CSNK1G3: variants seen among roughly 807,000 people sequenced by gnomAD.
CSNK1G3 encodes casein kinase 1 gamma 3.
In CSNK1G3, 23 loss-of-function variants were observed where a neutral mutation model predicts 64.3. The ratio of observed to expected loss-of-function variants is 0.36; its 90% CI spans 0.26 to 0.51. CSNK1G3 has a LOEUF of 0.51. Ranked by LOEUF, CSNK1G3 falls within the 20% of genes least tolerant of loss-of-function variation. The probability of loss-of-function intolerance (pLI) is 0.96; values close to 1 mark genes in which losing one functional copy is unlikely to be tolerated. For synonymous variants in CSNK1G3, 158 were observed against 162.2 expected (o/e 0.97, Z 0.20); for missense variants, 357 against 510.5 (o/e 0.70, Z 2.90).
chr5:123,575,749 C>T (rs779408598), exon 6 of CSNK1G3: 24 of 1,612,018 alleles, frequency 1.5e-5, no homozygotes, highest in Non-Finnish European at 2.0e-5. Flanking sequence ...TGGAATATGT[C>T]CATTCAAAGA....
intron 12 of CSNK1G3, among the ~76,000 whole-genome samples, chr5:123,609,235 T>A (rs1488173698): frequency 1.3e-5 from 2 of 152,168 alleles, no homozygotes; most frequent in Non-Finnish European, 2.9e-5. Flanking sequence ...TGACATGTGG[T>A]TTTAAGCCAA....
chr5:123,539,729 T>C (rs1437631565), intron 1 of CSNK1G3, among the ~76,000 whole-genome samples: 2 of 152,202 alleles, frequency 1.3e-5, no homozygotes, highest in Non-Finnish European at 1.5e-5. Context: ...CTGAAAGAGC[T>C]TTAGAACAGT....
At chr5:123,533,048 G>C (rs2150113948) in intron 1 of CSNK1G3, among the ~76,000 whole-genome samples, 1 of 151,906 alleles carries the variant, frequency 6.6e-6, no homozygotes, top group South Asian at 2.1e-4. Context: ...CATACTCCCA[G>C]TTTCCCTTCT....
intron 1 of CSNK1G3, among the ~76,000 whole-genome samples, chr5:123,524,408 C>T (rs1040258045): frequency 2.4e-4 from 36 of 152,174 alleles, no homozygotes; most frequent in African/African-American, 7.0e-4. Flanking sequence ...CATGCCAAAG[C>T]GCCTACAGGC....
intron 1 of CSNK1G3, among the ~76,000 whole-genome samples, chr5:123,541,089 G>C: frequency 1.3e-5 from 2 of 152,102 alleles, no homozygotes; most frequent in African/African-American, 4.8e-5. Flanking sequence ...GTAGTTGATG[G>C]TATTATCTAG....
intron 3 of CSNK1G3, among the ~76,000 whole-genome samples, chr5:123,554,805 A>G (rs906095111): frequency 6.6e-6 from 1 of 152,200 alleles, no homozygotes; most frequent in Non-Finnish European, 1.5e-5. Context: ...AGCTCTACTC[A>G]TGGGAGCATG....
intron 1 of CSNK1G3, among the ~76,000 whole-genome samples, chr5:123,524,063 A>G (rs1040577356): frequency 6.6e-6 from 1 of 152,220 alleles, no homozygotes; most frequent in South Asian, 2.1e-4. Context: ...ACCCCTTAAT[A>G]GAAACTATTC....
At chr5:123,551,770 G>A (rs1171617408) in intron 2 of CSNK1G3, among the ~76,000 whole-genome samples, 1 of 151,418 alleles carries the variant, frequency 6.6e-6, no homozygotes, top group Admixed American at 6.6e-5. Context: ...ATGTGACCAG[G>A]GCCAGTTACT....
intron 4 of CSNK1G3, among the ~76,000 whole-genome samples, chr5:123,559,076 T>C (rs1785170107): frequency 6.6e-6 from 1 of 152,204 alleles, no homozygotes; most frequent in Admixed American, 6.6e-5. Flanking sequence ...TCAGCAAAAG[T>C]TGTAGGACTA....
intron 5 of CSNK1G3, among the ~76,000 whole-genome samples, chr5:123,574,984 C>G (rs116382680): frequency 2.2e-3 from 330 of 152,184 alleles, no homozygotes; most frequent in African/African-American, 7.5e-3. Context: ...ACTAGAATGG[C>G]CTGTGTAGCC....
At chr5:123,575,174 A>G (rs111894490) in intron 5 of CSNK1G3, among the ~76,000 whole-genome samples, 1,806 of 152,304 alleles carry the variant, frequency 0.012, 42 homozygotes, top group African/African-American at 0.041. Context: ...TTCTAGCTTT[A>G]TGATCTTTCT....
chr5:123,604,639 C>T, intron 10 of CSNK1G3, 85 bp from the exon 12 acceptor site: 10 of 617,552 alleles, frequency 1.6e-5, no homozygotes, highest in Admixed American at 3.2e-5. Context: ...TATGTTTATC[C>T]TTGTATAACC....
intron 10 of CSNK1G3, among the ~76,000 whole-genome samples, chr5:123,597,002 T>C (rs2151054921): frequency 6.7e-6 from 1 of 149,388 alleles, no homozygotes; most frequent in African/African-American, 2.5e-5. Context: ...ACTAATGAAA[T>C]TATAAATTAA....
intron 1 of CSNK1G3, among the ~76,000 whole-genome samples, chr5:123,522,467 C>T (rs1216655172): frequency 6.7e-6 from 1 of 149,404 alleles, no homozygotes; most frequent in Non-Finnish European, 1.5e-5. Flanking sequence ...GACACCATTG[C>T]ACTCCAGCCT....
At chr5:123,596,025 A>C (rs1034369194) in intron 10 of CSNK1G3, among the ~76,000 whole-genome samples, 1 of 151,776 alleles carries the variant, frequency 6.6e-6, no homozygotes, top group South Asian at 2.1e-4. Flanking sequence ...CATTTTATCA[A>C]ATTTGCATTT....
At position 123,573,501 on chromosome 5, in the gene CSNK1G3, C is replaced by T. The variant is rs955032767; in HGVS notation, c.398C>T (p.Thr133Ile). 4 of 1,613,604 alleles carry T rather than the reference C, an allele frequency of 2.5e-6. No homozygotes were observed. The highest frequency in any genetic ancestry group is 3.4e-6 in the Non-Finnish European group (4 of 1,179,820). ...GACTTGTTTGACTTGTGTGACAGAACATTTTCTCTTAAAACAGTTCTCATG... is the reference window on the plus strand; with the variant it reads ...GACTTGTTTGACTTGTGTGACAGAATATTTTCTCTTAAAACAGTTCTCATG... Residue 133 changes from threonine (T) to isoleucine (I), a missense_variant, in exon 5 of 13, where the codon ACA becomes ATA. Around this residue, in one of 3 missense-constraint regions of CSNK1G3, gnomAD observed 128 missense variants for 250.4 expected, o/e 0.51. Coordinates refer to ENST00000345990, the Ensembl canonical transcript of CSNK1G3.
intron 10 of CSNK1G3, chr5:123,595,050 C>T: frequency 1.2e-6 from 2 of 1,613,622 alleles, no homozygotes; most frequent in Non-Finnish European, 1.7e-6. Flanking sequence ...CGGCAGACCA[C>T]AGGGCAGCTT....
chr5:123,573,865 T>TG (rs1043054414), intron 5 of CSNK1G3, among the ~76,000 whole-genome samples: 1 of 151,848 alleles, frequency 6.6e-6, no homozygotes, highest in African/African-American at 2.4e-5. Context: ...TTTTTTTTTT[T>TG]TTGAGACGGA....
At chr5:123,525,404 G>C (rs1183436136) in intron 1 of CSNK1G3, among the ~76,000 whole-genome samples, 1 of 150,958 alleles carries the variant, frequency 6.6e-6, no homozygotes, top group Non-Finnish European at 1.5e-5. Flanking sequence ...CTCTGTCTCC[G>C]GGTTCAAGCA....
Sources: gnomAD v4.1 joint callset for allele counts (sites outside exome capture counted in the v4.1 genomes callset) on GRCh38, gnomAD v4.1.1 for gene constraint, gnomAD v4.1.1 regional missense constraint, MANE v1.5 for transcripts, NCBI Gene and HGNC (gene_info 2026-07-23, HGNC 2026-07-21) for gene names.